CUL3: variants seen among roughly 807,000 people sequenced by gnomAD.
CUL3 encodes the protein cullin 3.
A neutral mutation model predicts 89.1 loss-of-function variants in CUL3; 19 were observed. That is an observed-to-expected ratio of 0.21 (90% CI 0.15 to 0.31). The LOEUF (loss-of-function observed/expected upper bound fraction) is 0.31, where lower values mean the gene tolerates loss of function less well. Ranked by LOEUF, CUL3 falls within the 10% of genes least tolerant of loss-of-function variation. The pLI is 1.00. For missense variants in CUL3, 469 were observed against 942.3 expected, an observed-to-expected ratio of 0.50 and a Z score of 6.58; for synonymous variants, 351 against 308.4, an observed-to-expected ratio of 1.14 and a Z score of -1.45.
chr2:224,500,205 A>T, intron 11 of CUL3, 158 bp downstream of exon 11: 1 of 742,246 alleles, frequency 1.3e-6, no homozygotes, highest in Non-Finnish European at 2.2e-6. Context: ...GATCCTATAG[A>T]GGGGGAAATT....
At position 224,472,216 on chromosome 2, in the gene CUL3, G is replaced by A. The variant is rs1311024203; in HGVS notation, c.*2029C>T. On this transcript the variant is annotated 3_prime_UTR_variant, in exon 16 of 16. Coordinates refer to ENST00000264414, the MANE Select transcript of CUL3 (RefSeq NM_003590.5). ...TTAACAAGTATGTCTCTAAACTCTA[G>A]ATCTGATTTTTACAGCCACACTTGA... The A allele has an allele frequency of 4.5e-6, 1 of 222,782 alleles. No homozygotes were observed. The highest frequency in any genetic ancestry group is 2.2e-5 in the African/African-American group (1 of 44,802). The allele number at this position is 222,782 out of a possible 1,614,324, so 13.8% of individuals were successfully genotyped here. A position where few individuals can be genotyped will look rare whatever the true frequency, so the allele number is the denominator to read the frequency against.
rs75170617 is a variant in CUL3, at chr2:224,546,667, TG to T, written c.264+10991del. On this transcript the variant is annotated intron_variant, in intron 2 of 15. Coordinates refer to ENST00000264414, the MANE Select transcript of CUL3 (RefSeq NM_003590.5). ...ACTAAAAAATACAACAGAAATAGGATGGGGGGGGGTACTTGCCCTCAAAGTA... is the reference window on the plus strand; with the variant it reads ...ACTAAAAAATACAACAGAAATAGGATGGGGGGGGTACTTGCCCTCAAAGTA... Among the ~76,000 whole-genome samples the T allele has an allele frequency of 1.1e-3, 162 of 150,292 alleles. 2 individuals carry two copies. The highest frequency in any genetic ancestry group is 1.9e-3 in the African/African-American group (79 of 40,954).
intron 14 of CUL3, among the ~76,000 whole-genome samples, chr2:224,481,527 T>C (rs1282828139): frequency 2.0e-5 from 3 of 152,124 alleles, no homozygotes; most frequent in African/African-American, 7.2e-5. Flanking sequence ...AACTTTTATA[T>C]AGGTCTCCCA....
At chr2:224,564,677 C>A (rs1205478529) in intron 1 of CUL3, among the ~76,000 whole-genome samples, 2 of 152,120 alleles carry the variant, frequency 1.3e-5, no homozygotes, top group African/African-American at 2.4e-5. Context: ...GGGGTGGGGA[C>A]TTCTGTACTG....
Position 224,500,512 on chromosome 2 carries a change from C to A in CUL3, c.1486-25G>T, listed in dbSNP as rs201357819. 3,013 of 1,610,134 alleles carry A rather than the reference C, an allele frequency of 1.9e-3. 14 individuals carry two copies. Among genetic ancestry groups the A allele is most frequent in the Non-Finnish European group, 2.3e-3 (2,758 of 1,177,160 alleles). ...CCTATGTAAAACAGAAAGAGATATT[C>A]CCCTCAAAATTAACTAGGATTTGCT... On this transcript the variant is annotated intron_variant, in intron 10 of 15. Transcript: ENST00000264414.
chr2:224,476,179 A>T (rs1428506883), intron 15 of CUL3, among the ~76,000 whole-genome samples: 1 of 151,814 alleles, frequency 6.6e-6, no homozygotes, highest in Non-Finnish European at 1.5e-5. Flanking sequence ...ACCCACCACC[A>T]GCTAATTTTT....
intron 2 of CUL3, among the ~76,000 whole-genome samples, chr2:224,551,331 G>A (rs1694508557): frequency 6.6e-6 from 1 of 151,324 alleles, no homozygotes; most frequent in African/African-American, 2.4e-5. Flanking sequence ...TCAGCCTCCT[G>A]TGTAGCTGGG....
At chr2:224,496,977 C>T (rs777284087) in intron 12 of CUL3, among the ~76,000 whole-genome samples, 13 of 152,124 alleles carry the variant, frequency 8.5e-5, no homozygotes, top group Middle Eastern at 3.4e-3. Context: ...TATTATTTAA[C>T]GAAATTATAA....
intron 3 of CUL3, among the ~76,000 whole-genome samples, chr2:224,517,477 A>G (rs1693100760): frequency 6.6e-6 from 1 of 152,184 alleles, no homozygotes; most frequent in Non-Finnish European, 1.5e-5. Context: ...GTTTGAGACC[A>G]GCCTGGCCAA....
chr2:224,511,624 AAG>A (rs772802191), intron 5 of CUL3, 42 bp from the exon 6 acceptor site: 2 of 1,201,680 alleles, frequency 1.7e-6, no homozygotes, highest in African/African-American at 3.1e-5. Flanking sequence ...CATAGAAGAA[AAG>A]AGTGTTTTTG....
At chr2:224,551,712 C>T (rs1559212760) in intron 2 of CUL3, among the ~76,000 whole-genome samples, 1 of 152,254 alleles carries the variant, frequency 6.6e-6, no homozygotes, top group East Asian at 1.9e-4. Flanking sequence ...TGGTCTGTTG[C>T]TGCTTTTGTG....
At chr2:224,525,681 A>G (rs544410512) in intron 3 of CUL3, among the ~76,000 whole-genome samples, 24 of 152,342 alleles carry the variant, frequency 1.6e-4, no homozygotes, top group Non-Finnish European at 3.2e-4. Context: ...GGCACGCACC[A>G]AAGGTAAAAG....
At chr2:224,486,107 G>C (rs957518617) in intron 13 of CUL3, among the ~76,000 whole-genome samples, 1 of 152,192 alleles carries the variant, frequency 6.6e-6, no homozygotes, top group East Asian at 1.9e-4. Context: ...CCCATCCAGA[G>C]GTCATCAGCA....
chr2:224,545,247 T>C (rs1694252178), intron 2 of CUL3, among the ~76,000 whole-genome samples: 1 of 152,138 alleles, frequency 6.6e-6, no homozygotes, highest in Non-Finnish European at 1.5e-5. Context: ...ATCCTTTTCA[T>C]ACAGTAGACT....
chr2:224,543,054 T>C (rs189176324), intron 2 of CUL3, among the ~76,000 whole-genome samples: 7 of 152,340 alleles, frequency 4.6e-5, no homozygotes, highest in Admixed American at 3.3e-4. Flanking sequence ...ACACTCTACA[T>C]TTCAATGCCT....
chr2:224,543,479 A>C lies in CUL3; in HGVS notation c.265-7838T>G, dbSNP rs570983287. Among the ~76,000 whole-genome samples, 44 of 152,338 alleles carry C rather than the reference A, an allele frequency of 2.9e-4. 1 individual carries two copies. The highest frequency in any genetic ancestry group is 3.9e-4 in the Admixed American group (6 of 15,300). On this transcript the variant is annotated intron_variant, in intron 2 of 15. Transcript: ENST00000264414. ...GTATTTTAACATTCACCCAGAAGCT[A>C]AGATAATAAAAATCTGCTAAGGTTG...
intron 11 of CUL3, among the ~76,000 whole-genome samples, chr2:224,498,074 A>G (rs972014527): frequency 2.0e-5 from 3 of 152,144 alleles, no homozygotes; most frequent in African/African-American, 7.2e-5. Context: ...CAAAGGCCCC[A>G]CACTAAATAA....
rs1216244125 is a variant in CUL3, at chr2:224,514,677, C to T, written c.474G>A (p.Arg158=). The T allele has an allele frequency of 1.9e-6, 3 of 1,613,534 alleles. No homozygotes were observed. The highest frequency in any genetic ancestry group is 2.2e-5 in the South Asian group (2 of 91,052). ...RDQVVRYGCI[R]DHLRQTLLDM... Reference sequence around the variant, plus strand: ...CCAATAGAGTTTGCCGTAGATGATCCCTAATACACCCATAACGTACAACTT... The same window carrying T: ...CCAATAGAGTTTGCCGTAGATGATCTCTAATACACCCATAACGTACAACTT... The change falls in exon 4 of 16, where the codon AGG becomes AGA. Residue 158 remains arginine (R), a synonymous_variant. Coordinates refer to ENST00000264414, the MANE Select transcript of CUL3 (RefSeq NM_003590.5).
At chr2:224,483,819 TTC>T (rs1691619044) in intron 13 of CUL3, among the ~76,000 whole-genome samples, 1 of 152,214 alleles carries the variant, frequency 6.6e-6, no homozygotes, top group African/African-American at 2.4e-5. Flanking sequence ...GTACATGCAT[TTC>T]TGACTTTGAG....
Sources: allele counts gnomAD v4.1 joint callset (sites outside exome capture counted in the v4.1 genomes callset), GRCh38; gene constraint gnomAD v4.1.1; transcripts MANE v1.5; gene names NCBI Gene and HGNC (gene_info 2026-07-23, HGNC 2026-07-21).